RGS3: variants seen among roughly 807,000 people sequenced by gnomAD.
RGS3 encodes regulator of G protein signaling 3.
A neutral mutation model predicts 132.6 loss-of-function variants in RGS3; 80 were observed. That is an observed-to-expected ratio of 0.60 (90% confidence interval 0.50 to 0.73). RGS3 has a LOEUF of 0.73. RGS3 is among the 30% of genes least tolerant of loss of function. The pLI is 0.00. For synonymous variants in RGS3, 598 were observed against 620.6 expected (o/e 0.96, Z 0.54); for missense variants, 1,382 against 1,530.8 (o/e 0.90, Z 1.62).
intron 19 of RGS3, among the ~76,000 whole-genome samples, chr9:113,550,898 A>G (rs1186793433): frequency 1.3e-5 from 2 of 152,082 alleles, no homozygotes; most frequent in African/African-American, 4.8e-5. Flanking sequence ...TATTTTTATT[A>G]TTTCTTTAAA....
chr9:113,553,459 A>AAAAAATATATAT (rs1426114805), intron 19 of RGS3, among the ~76,000 whole-genome samples: 11 of 58,696 alleles, frequency 1.9e-4, no homozygotes, highest in Non-Finnish European at 3.0e-4. Flanking sequence ...AAAAAAAAAA[A>AAAAAATATATAT]ATATATATAT....
upstream of RGS3, among the ~76,000 whole-genome samples, chr9:113,455,678 C>T (rs1333550433): frequency 6.6e-6 from 1 of 152,182 alleles, no homozygotes; most frequent in East Asian, 1.9e-4. Flanking sequence ...ATCTGGGGCA[C>T]ATTAAAGTTC....
At chr9:113,595,628 C>G in exon 24 of RGS3, 1 of 1,614,176 alleles carries the variant, frequency 6.2e-7, no homozygotes, top group African/African-American at 1.3e-5. Flanking sequence ...AGCCTTCCTT[C>G]GCACTGAGTT....
chr9:113,516,514 T>C (rs975335704), intron 15 of RGS3, among the ~76,000 whole-genome samples: 1 of 151,888 alleles, frequency 6.6e-6, no homozygotes, highest in African/African-American at 2.4e-5. Flanking sequence ...CCCACGACCA[T>C]GCCTGGCTAG....
In RGS3 at chr9:113,583,737, C is replaced by CCT; in HGVS notation, c.2329_2330dup (p.Pro778HisfsTer58). On this transcript the variant is annotated frameshift_variant, in exon 20 of 25. Transcript: ENST00000350696. LOFTEE classifies it high-confidence loss of function. ...GCCAGGAACCCCCTCCAGCCCAAGACCTCTCACCCTGCCAGGACCTACCTG... is the reference window on the plus strand; with the variant it reads ...GCCAGGAACCCCCTCCAGCCCAAGACCTCTCTCACCCTGCCAGGACCTACCTG... 6.2e-7 allele frequency: 1 copy of CCT among 1,614,092 alleles called. No individual in the cohort carries two copies. Among genetic ancestry groups the CCT allele is most frequent in the Non-Finnish European group, 8.5e-7 (1 of 1,179,968 alleles).
Position 113,463,842 on chromosome 9 carries a change from C to G in RGS3, c.415+1641C>G. 1 of 1,613,026 alleles carries G rather than the reference C, an allele frequency of 6.2e-7. No individual in the cohort carries two copies. The highest frequency in any genetic ancestry group is 2.2e-5 in the East Asian group (1 of 44,832). On this transcript the variant is annotated intron_variant, in intron 3 of 24. Coordinates refer to ENST00000350696, the Ensembl canonical transcript of RGS3. The surrounding 1 kb of genome is among the most constrained non-coding windows in gnomAD (Gnocchi z 4.6). The stretch of plus-strand genomic sequence containing the variant: ...GCACCGCGTCTCCCTCGGGAGCCGG[C>G]GTGCCCACCCGGACTTGTCCTTCTA...
Position 113,569,283 on chromosome 9 carries a change from G to C in RGS3, c.2038-14167G>C, listed in dbSNP as rs137921474. ...AGCAGAGCTCGGGGACTCAGGGAAG[G>C]GTGGCAGAGGGTAAGGGAACAAGGA... is the stretch of plus-strand genomic sequence containing the variant. On this transcript the variant is annotated intron_variant, in intron 19 of 24. Coordinates refer to ENST00000350696, the Ensembl canonical transcript of RGS3. Among the ~76,000 whole-genome samples the C allele has an allele frequency of 7.9e-4, 120 of 152,332 alleles. 1 individual carries two copies. Among genetic ancestry groups the C allele is most frequent in the African/African-American group, 2.6e-3 (107 of 41,570 alleles).
intron 17 of RGS3, 128 bp from the exon 16 acceptor site, chr9:113,529,093 C>T (rs1349225644): frequency 2.7e-6 from 2 of 751,188 alleles, no homozygotes; most frequent in Non-Finnish European, 2.4e-6. Flanking sequence ...CCTCCCATGC[C>T]TGCCTCTCTC....
chr9:113,511,257 G>A lies in RGS3; in HGVS notation c.1477+2677G>A, dbSNP rs558038663. ...CCTCAGAATCTGGGAGCAAAGCCCT[G>A]TAATTACTGTATTTGGTCGGTGAAG... is the stretch of plus-strand genomic sequence containing the variant. On this transcript the variant is annotated intron_variant, in intron 14 of 24. Coordinates refer to ENST00000350696, the Ensembl canonical transcript of RGS3. 5.3e-5 allele frequency among the ~76,000 whole-genome samples: 8 copies of A among 152,328 alleles called. No homozygotes were observed. In the South Asian group the frequency reaches 1.7e-3, roughly 32 times the overall value.
At chr9:113,538,843 C>T (rs77964662) in intron 19 of RGS3, among the ~76,000 whole-genome samples, 2,937 of 152,274 alleles carry the variant, frequency 0.019, 97 homozygotes, top group African/African-American at 0.067. Context: ...AATTACCTCC[C>T]GGGCCTAAGA....
chr9:113,586,672 C>T (rs2119002083), intron 20 of RGS3, among the ~76,000 whole-genome samples: 1 of 152,348 alleles, frequency 6.6e-6, no homozygotes, highest in South Asian at 2.1e-4. Context: ...CCATTCACAT[C>T]CTGCCCTCTT....
chr9:113,527,021 C>G (rs1564529035), intron 17 of RGS3, among the ~76,000 whole-genome samples: 1 of 152,194 alleles, frequency 6.6e-6, no homozygotes, highest in African/African-American at 2.4e-5. Context: ...AGGCTCTGAA[C>G]CATGCTGAGT....
intron 17 of RGS3, 130 bp downstream of exon 15, chr9:113,523,171 A>G: frequency 1.5e-6 from 1 of 663,748 alleles, no homozygotes; most frequent in Non-Finnish European, 2.7e-6. Context: ...GGCTCTGTCC[A>G]TGGGCTAGTA....
chr9:113,463,948 C>G lies in RGS3; in HGVS notation c.415+1747C>G. On this transcript the variant is annotated intron_variant, in intron 3 of 24. Coordinates refer to ENST00000350696, the Ensembl canonical transcript of RGS3. The surrounding 1 kb of genome is among the most constrained non-coding windows in gnomAD (Gnocchi z 4.6). ...TGCTCCCAGCGCCCAGAAACGCAGC[C>G]CCTCGTGGTGACAGGGGAGGCTGGG... 6.4e-7 allele frequency: 1 copy of G among 1,553,072 alleles called. No individual in the cohort carries two copies. The highest frequency in any genetic ancestry group is 1.1e-5 in the South Asian group (1 of 88,022).
intron 19 of RGS3, among the ~76,000 whole-genome samples, chr9:113,563,934 G>T (rs1284613616): frequency 6.6e-6 from 1 of 152,120 alleles, no homozygotes; most frequent in Non-Finnish European, 1.5e-5. Context: ...GGCCAAGGTG[G>T]GTGGGGTGGG....
At position 113,506,698 on chromosome 9, in the gene RGS3, C is replaced by A. The variant is rs1333070669; in HGVS notation, c.1085+205C>A. Among the ~76,000 whole-genome samples the A allele has an allele frequency of 6.6e-6, 1 of 152,230 alleles. No individual in the cohort carries two copies. The highest frequency in any genetic ancestry group is 2.4e-5 in the African/African-American group (1 of 41,448). ...CTCAGAGCACTTTTGGATTCCAGAG[C>A]AAACAGCAGGGAAGATGCTCTCAGA... On this transcript the variant is annotated intron_variant, in intron 12 of 24. Coordinates refer to ENST00000350696, the Ensembl canonical transcript of RGS3. The surrounding 1 kb of genome is among the most constrained non-coding windows in gnomAD (Gnocchi z 4.7).
At position 113,463,417 on chromosome 9, in the gene RGS3, A is replaced by G. The variant is rs1333145419; in HGVS notation, c.415+1216A>G. Among the ~76,000 whole-genome samples the G allele has an allele frequency of 6.6e-6, 1 of 152,200 alleles. No homozygotes were observed. Among genetic ancestry groups the G allele is most frequent in the African/African-American group, 2.4e-5 (1 of 41,464 alleles). On this transcript the variant is annotated intron_variant, in intron 3 of 24. Coordinates refer to ENST00000350696, the Ensembl canonical transcript of RGS3. This position sits in a 1 kb window ranked among gnomAD's most constrained non-coding sequence, Gnocchi z 4.6. ...ATTGCTGGTCTAGGAGAGCTGGACG[A>G]GGAGGCCAAGCCTGCCCAGAGTGGG...
intron 14 of RGS3, among the ~76,000 whole-genome samples, chr9:113,510,425 C>T (rs961184823): frequency 2.6e-5 from 4 of 152,210 alleles, no homozygotes; most frequent in Non-Finnish European, 5.9e-5. Flanking sequence ...CAGTGCAGGA[C>T]CCAGGGCCTG....
chr9:113,467,051 CCATT>C (rs201887419), intron 3 of RGS3, among the ~76,000 whole-genome samples: 6,003 of 152,234 alleles, frequency 0.039, 162 homozygotes, highest in South Asian at 0.1. Flanking sequence ...ATATCATACT[CCATT>C]CATTTTTATG....
Sources: allele counts gnomAD v4.1 joint callset (sites outside exome capture counted in the v4.1 genomes callset), GRCh38; gene constraint gnomAD v4.1.1; non-coding constraint Gnocchi (gnomAD v3.1); transcripts MANE v1.5; gene names NCBI Gene and HGNC (gene_info 2026-07-23, HGNC 2026-07-21).